Variants in ADGRE1 observed in about 807,000 individuals in gnomAD.
ADGRE1 encodes the protein EGF-like module receptor 1.
In ADGRE1, 82 loss-of-function variants were observed where a neutral mutation model predicts 102.7. The observed-to-expected ratio is 0.80, with a 90% CI of 0.67 to 0.96. ADGRE1 has a LOEUF of 0.96. Among genes scored for constraint, ADGRE1 ranks in the 40% least tolerant of loss-of-function variants. The pLI is 0.00. For synonymous variants in ADGRE1, 398 were observed against 399.6 expected (o/e 1.00, Z 0.05); for missense variants, 1,032 against 1,085.3 (o/e 0.95, Z 0.69).
chr19:6,907,912 A>G (rs1053351927), intron 9 of ADGRE1, among the ~76,000 whole-genome samples: 15 of 152,082 alleles, frequency 9.9e-5, no homozygotes, highest in Non-Finnish European at 8.8e-5. Context: ...TAGTTCATAC[A>G]TTTCCTCTTC....
chr19:6,916,234 C>T lies in ADGRE1; in HGVS notation c.1301-15C>T, dbSNP rs879236993. ...TCTGGGTGACCTCATACGAACTCTC[C>T]CTTTCTCTTTTTAGACATTGAGAGC... On this transcript the variant is annotated splice_polypyrimidine_tract_variant and intron_variant, in intron 11 of 20. Coordinates refer to ENST00000312053, the MANE Select transcript of ADGRE1 (RefSeq NM_001974.5). 2.5e-6 allele frequency: 4 copies of T among 1,608,254 alleles called. No homozygotes were observed. The South Asian group carries it at 4.4e-5, about 18-fold the overall frequency.
rs2144907753 is a variant in ADGRE1 at position 6,901,906 on chromosome 19, C to T, written c.546C>T (p.Cys182=). The change falls in exon 6 of 21, where the codon TGC becomes TGT. Residue 182 remains cysteine (C), a synonymous_variant. Coordinates refer to ENST00000312053, the MANE Select transcript of ADGRE1 (RefSeq NM_001974.5). ...ATGAATGTGCAGATCCAAGAGCTTG[C>T]CCAGAGCATGCAACTTGTAATAACA... ...DVDECADPRA[C]PEHATCNNTV... 6.2e-7 allele frequency: 1 copy of T among 1,614,174 alleles called. No homozygotes were observed.
chr19:6,924,976 C>G, intron 15 of ADGRE1, 104 bp downstream of exon 15: 1 of 1,199,490 alleles, frequency 8.3e-7, no homozygotes, highest in South Asian at 1.4e-5. Flanking sequence ...ACCTCAGGGC[C>G]TTTGCATATG....
intron 17 of ADGRE1, among the ~76,000 whole-genome samples, chr19:6,934,732 T>G (rs252550): frequency 0.75 from 111,787 of 149,704 alleles, 41,924 homozygotes; most frequent in Non-Finnish European, 0.79. Flanking sequence ...TGAGTAGCTG[T>G]GATTACAGGC....
At chr19:6,918,736 CTGTTT>C (rs1429896868) in intron 12 of ADGRE1, among the ~76,000 whole-genome samples, 11 of 152,080 alleles carry the variant, frequency 7.2e-5, no homozygotes, top group Non-Finnish European at 1.6e-4. Context: ...ACTGGGAGGT[CTGTTT>C]TGTTTTGTTT....
In ADGRE1 at chr19:6,928,192, C is replaced by T. The variant is rs752883936; in HGVS notation, c.2270C>T (p.Pro757Leu). 2 of 1,614,116 alleles carry T rather than the reference C, an allele frequency of 1.2e-6. No homozygotes were observed. The highest frequency in any genetic ancestry group is 2.2e-5 in the South Asian group (2 of 91,086). ...GGGTTCATCTGGAGTTTCTTGGGGCCAGTTTGCACAGTTATAGTGGTAAGC... is the reference window on the plus strand; with the variant it reads ...GGGTTCATCTGGAGTTTCTTGGGGCTAGTTTGCACAGTTATAGTGGTAAGC... The part of the protein sequence containing the change: ...ETGFIWSFLG[P>L]VCTVIVINSL... Residue 757 changes from proline (P) to leucine (L), a missense_variant, in exon 17 of 21, where the codon CCA becomes CTA. Physicochemically the swap from Pro to Leu is moderately conservative, Grantham distance 98. Transcript: ENST00000312053.
intron 10 of ADGRE1, among the ~76,000 whole-genome samples, chr19:6,910,658 G>A (rs1167466481): frequency 4.4e-5 from 6 of 137,248 alleles, no homozygotes; most frequent in African/African-American, 8.0e-5. Flanking sequence ...TGCAAGCTCC[G>A]CCTCCCGGGT....
At chr19:6,925,133 G>GTTTT (rs1974843695) in intron 15 of ADGRE1, among the ~76,000 whole-genome samples, 1 of 151,952 alleles carries the variant, frequency 6.6e-6, no homozygotes, top group Non-Finnish European at 1.5e-5. Flanking sequence ...TTGTTTGTTT[G>GTTTT]TTTTTGATAC....
At chr19:6,896,716 G>C (rs1222066352) in intron 3 of ADGRE1, 175 bp downstream of exon 3, 6 of 691,070 alleles carry the variant, frequency 8.7e-6, no homozygotes, top group Non-Finnish European at 1.4e-5. Context: ...TTGATATGTG[G>C]GGGTGTTGTT....
intron 16 of ADGRE1, 78 bp downstream of exon 16, chr19:6,926,679 T>G: frequency 7.0e-7 from 1 of 1,427,108 alleles, no homozygotes; most frequent in Non-Finnish European, 9.8e-7. Context: ...ACAAGAAGAG[T>G]AACAACAGTA....
chr19:6,925,712 G>T (rs1599758619), intron 15 of ADGRE1, among the ~76,000 whole-genome samples: 1 of 146,062 alleles, frequency 6.8e-6, no homozygotes, highest in East Asian at 2.0e-4. Flanking sequence ...AATTTTTTTA[G>T]TTTTTTTGAG....
chr19:6,905,260 A>C (rs958982524), intron 8 of ADGRE1, among the ~76,000 whole-genome samples: 1 of 151,862 alleles, frequency 6.6e-6, no homozygotes, highest in African/African-American at 2.4e-5. Context: ...AGGTGGGAGG[A>C]TCGCTTGAGC....
chr19:6,924,586 TTGCCCGAGCC>T, intron 14 of ADGRE1, 82 bp from the exon 15 acceptor site: 1 of 1,134,640 alleles, frequency 8.8e-7, no homozygotes, highest in Non-Finnish European at 1.3e-6. Context: ...CAAGCTAATT[TTGCCCGAGCC>T]AGGGTTTTAG....
intron 5 of ADGRE1, among the ~76,000 whole-genome samples, chr19:6,899,771 A>T (rs558557180): frequency 6.6e-6 from 1 of 152,052 alleles, no homozygotes; most frequent in South Asian, 2.1e-4. Context: ...ACGTTCCCCT[A>T]AAAGGTATTT....
At chr19:6,890,010 T>C (rs1973300743) in intron 1 of ADGRE1, among the ~76,000 whole-genome samples, 2 of 152,066 alleles carry the variant, frequency 1.3e-5, no homozygotes, top group African/African-American at 4.8e-5. Flanking sequence ...TCTCCTGGGC[T>C]CAAGCAATCC....
Position 6,897,576 on chromosome 19 carries a change from C to T in ADGRE1, c.514+29C>T, listed in dbSNP as rs1464890877. 5 of 1,495,176 alleles carry T rather than the reference C, an allele frequency of 3.3e-6. No individual in the cohort carries two copies. The African/African-American group carries it at 4.2e-5, about 13-fold the overall frequency. The allele number at this position is 1,495,176 out of a possible 1,614,324, so 92.6% of individuals were successfully genotyped here. A position where few individuals can be genotyped will look rare whatever the true frequency, so the allele number is the denominator to read the frequency against. On this transcript the variant is annotated intron_variant, in intron 5 of 20. Coordinates refer to ENST00000312053, the MANE Select transcript of ADGRE1 (RefSeq NM_001974.5). ...TCCATGACCATCTCTTTATTATTTA[C>T]CTACTTAATTAATTAAGGGTCATCT...
intron 9 of ADGRE1, 144 bp from the exon 10 acceptor site, chr19:6,908,545 A>C (rs1346145901): frequency 1.6e-6 from 1 of 613,194 alleles, no homozygotes; most frequent in Non-Finnish European, 2.8e-6. Context: ...AATGAGTTTT[A>C]GTTTCCCTGA....
chr19:6,917,283 G>C (rs545327988), intron 12 of ADGRE1, among the ~76,000 whole-genome samples: 18 of 152,368 alleles, frequency 1.2e-4, no homozygotes, highest in South Asian at 8.3e-4. Context: ...CAATATGGAA[G>C]AGCTATTTAA....
At chr19:6,926,674 A>G in intron 16 of ADGRE1, 73 bp downstream of exon 16, 1 of 1,478,914 alleles carries the variant, frequency 6.8e-7, no homozygotes. Flanking sequence ...GAGCAACAAG[A>G]AGAGTAACAA....
Sources: gnomAD v4.1 joint callset for allele counts (sites outside exome capture counted in the v4.1 genomes callset) on GRCh38, gnomAD v4.1.1 for gene constraint, MANE v1.5 for transcripts, NCBI Gene and HGNC (gene_info 2026-07-23, HGNC 2026-07-21) for gene names.